Variants in USP35 observed in about 807,000 individuals in gnomAD.
USP35 encodes ubiquitin carboxyl-terminal hydrolase 35.
A neutral mutation model predicts 83.8 loss-of-function variants in USP35; 69 were observed. The observed-to-expected ratio is 0.82, with a 90% CI of 0.68 to 1.01. The LOEUF is 1.01. USP35 is among the 50% of genes least tolerant of loss of function. The probability of loss-of-function intolerance (pLI) is 0.00; values close to 1 mark genes in which losing one functional copy is unlikely to be tolerated. For missense variants in USP35, 1,503 were observed against 1,362.5 expected (o/e 1.10, Z -1.62); for synonymous variants, 714 against 589.5 (o/e 1.21, Z -3.06).
In USP35 at chr11:78,214,143, A is replaced by C. The variant is rs1396066051; in HGVS notation, c.*330A>C. 1 of 249,754 alleles carries C rather than the reference A, an allele frequency of 4.0e-6. No homozygotes were observed. The highest frequency in any genetic ancestry group is 7.6e-6 in the Non-Finnish European group (1 of 131,984). 15.5% of individuals were successfully genotyped at this position (249,754 alleles called of 1,614,324 possible). A position where few individuals can be genotyped will look rare whatever the true frequency, so the allele number is the denominator to read the frequency against. On this transcript the variant is annotated 3_prime_UTR_variant, in exon 11 of 11. Coordinates refer to ENST00000529308, the MANE Select transcript of USP35 (RefSeq NM_020798.4). ...TCTGATGATGTTCAGGAAACAGGCTAGACCTCAGCTCCAATGTTTTGACAT... is the reference window on the plus strand; with the variant it reads ...TCTGATGATGTTCAGGAAACAGGCTCGACCTCAGCTCCAATGTTTTGACAT...
In USP35 at chr11:78,208,938, G is replaced by A; in HGVS notation, c.1567G>A (p.Glu523Lys). ...FSPGTQQDCSEYLKYLLDRLH... is the reference protein window; with the variant it reads ...FSPGTQQDCSKYLKYLLDRLH... ...CCCTGGCACCCAGCAGGACTGCTCG[G>A]AGTATCTGAAGTACCTGCTGGATCG... is the stretch of plus-strand genomic sequence containing the variant. The change falls in exon 9 of 11, where the codon GAG (glutamate) becomes AAG (lysine). Residue 523 changes from glutamate to lysine, a missense_variant. Transcript: ENST00000529308. 6.2e-7 allele frequency: 1 copy of A among 1,614,208 alleles called. No homozygotes were observed. Among genetic ancestry groups the A allele is most frequent in the African/African-American group, 1.3e-5 (1 of 75,056 alleles).
At chr11:78,198,415 C>T (rs1208048211) in intron 3 of USP35, among the ~76,000 whole-genome samples, 2 of 152,194 alleles carry the variant, frequency 1.3e-5, no homozygotes, top group Non-Finnish European at 2.9e-5. Flanking sequence ...GAGTGCTTCA[C>T]GAGGTGCTTT....
the USP35 span, among the ~76,000 whole-genome samples, chr11:78,220,737 T>G: frequency 6.6e-6 from 1 of 152,188 alleles, no homozygotes; most frequent in Non-Finnish European, 1.5e-5. Flanking sequence ...CAGGTCTGTT[T>G]TCTGACTTCC....
chr11:78,232,802 C>T, the USP35 span, among the ~76,000 whole-genome samples: 45,052 of 151,994 alleles, frequency 0.3, 8,703 homozygotes, highest in African/African-American at 0.54. Flanking sequence ...CAATCAGACA[C>T]AGTTATGTCT....
rs542737632 is a variant in USP35 at position 78,196,761 on chromosome 11, C to T, written c.516C>T (p.Leu172=). 5.9e-6 allele frequency: 9 copies of T among 1,532,822 alleles called. No homozygotes were observed. Among genetic ancestry groups the T allele is most frequent in the African/African-American group, 1.4e-5 (1 of 72,906 alleles). 95.0% of individuals were successfully genotyped at this position (1,532,822 alleles called of 1,614,324 possible). ...TCTGCCAGCAGCTGGTGCGTTGCCT[C>T]GGCCGCTTCCGCTGCCCAGCCGAAG... ...LLFCQQLVRC[L]GRFRCPAEGE... Residue 172 remains leucine (L), a synonymous_variant, in exon 2 of 11, where the codon CTC becomes CTT. Transcript: ENST00000529308. The surrounding 1 kb of genome is among the most constrained non-coding windows in gnomAD (Gnocchi z 4.8).
the USP35 span, chr11:78,222,016 G>T: frequency 1.2e-6 from 1 of 867,950 alleles, no homozygotes; most frequent in Non-Finnish European, 2.0e-6. Context: ...TCAGAATCCA[G>T]CTGTCCCGGC....
At chr11:78,233,023 A>G in the USP35 span, among the ~76,000 whole-genome samples, 1 of 150,626 alleles carries the variant, frequency 6.6e-6, no homozygotes, top group African/African-American at 2.5e-5. Flanking sequence ...ATACTTACCA[A>G]TACCTGGCAC....
chr11:78,228,657 A>G, the USP35 span, among the ~76,000 whole-genome samples: 3 of 152,190 alleles, frequency 2.0e-5, no homozygotes, highest in Non-Finnish European at 2.9e-5. Flanking sequence ...TGTACCCACC[A>G]TGATGGCTAG....
In USP35 at chr11:78,209,494, A is replaced by C; in HGVS notation, c.1639A>C (p.Lys547Gln). The C allele has an allele frequency of 1.2e-6, 2 of 1,613,318 alleles. No homozygotes were observed. Among genetic ancestry groups the C allele is most frequent in the Non-Finnish European group, 1.7e-6 (2 of 1,179,544 alleles). Residue 547 changes from lysine to glutamine, a missense_variant, in exon 10 of 11, where the codon AAG becomes CAG. By Grantham distance (53) the Lys-to-Gln change is moderately conservative. Coordinates refer to ENST00000529308, the MANE Select transcript of USP35 (RefSeq NM_020798.4). The part of the protein sequence containing the change: ...KTGTRICQKL[K>Q]QSSSPSPPEE... ...GGGCACAAGGATCTGCCAGAAACTC[A>C]AGCAGTCCAGCTCGCCCTCTCCGCC...
the USP35 span, among the ~76,000 whole-genome samples, chr11:78,222,381 T>A: frequency 4.6e-5 from 7 of 152,144 alleles, no homozygotes; most frequent in Non-Finnish European, 8.8e-5. Flanking sequence ...AAGTCATGTC[T>A]TCAGATTCCA....
the USP35 span, among the ~76,000 whole-genome samples, chr11:78,233,433 T>C: frequency 6.6e-6 from 1 of 152,222 alleles, no homozygotes; most frequent in Non-Finnish European, 1.5e-5. Context: ...TCTATTCATG[T>C]GGTTACTGGA....
At position 78,196,915 on chromosome 11, in the gene USP35, G is replaced by A. The variant is rs75029334; in HGVS notation, c.670G>A (p.Ala224Thr). Residue 224 changes from alanine to threonine, a missense_variant, in exon 2 of 11, where the codon GCA (alanine) becomes ACA (threonine). Coordinates refer to ENST00000529308, the MANE Select transcript of USP35 (RefSeq NM_020798.4). The surrounding 1 kb of genome is among the most constrained non-coding windows in gnomAD (Gnocchi z 4.8). ...AGAGCTGTTCGCAGTCATCTCCTGC[G>A]CAGGTGCGTGTGCGGCCGGGGCAGG... is the stretch of plus-strand genomic sequence containing the variant. ...LKELFAVISC[A>T]EEEPPSSALA... 9,176 of 1,453,036 alleles carry A rather than the reference G, an allele frequency of 6.3e-3. 479 individuals carry two copies. In the African/African-American group the frequency reaches 0.12, roughly 18 times the overall value. The allele number at this position is 1,453,036 out of a possible 1,614,324, so 90.0% of individuals were successfully genotyped here.
At chr11:78,203,530 G>C (rs955518820) in intron 6 of USP35, among the ~76,000 whole-genome samples, 37 of 152,118 alleles carry the variant, frequency 2.4e-4, no homozygotes, top group African/African-American at 6.8e-4. Context: ...TTATCTCAAA[G>C]ACTCAAGTAT....
intron 2 of USP35, among the ~76,000 whole-genome samples, chr11:78,197,128 G>A (rs184868785): frequency 6.6e-6 from 1 of 152,076 alleles, no homozygotes; most frequent in Non-Finnish European, 1.5e-5. Context: ...TCCTGCAGTG[G>A]GTGTTGGAAA....
At position 78,189,097 on chromosome 11, in the gene USP35, C is replaced by G; in HGVS notation, c.-71C>G. On this transcript the variant is annotated 5_prime_UTR_variant, in exon 1 of 11. Transcript: ENST00000529308. The stretch of plus-strand genomic sequence containing the variant: ...GCCCTGACCTAGCCGGGCCCAGCCT[C>G]GTCCTGCCCGGCCTGAGCGCCCCGC... 1 of 443,718 alleles carries G rather than the reference C, an allele frequency of 2.3e-6. No individual in the cohort carries two copies. The highest frequency in any genetic ancestry group is 3.0e-6 in the Non-Finnish European group (1 of 334,900). The allele number at this position is 443,718 out of a possible 1,614,324, so 27.5% of individuals were successfully genotyped here.
chr11:78,207,472 A>G (rs1201525768), intron 7 of USP35, 58 bp from the exon 8 acceptor site: 3 of 1,559,528 alleles, frequency 1.9e-6, no homozygotes, highest in Non-Finnish European at 1.8e-6. Context: ...GACATGGGTG[A>G]CTAGAGACTC....
At position 78,198,011 on chromosome 11, in the gene USP35, G is replaced by A. The variant is rs1330999491; in HGVS notation, c.749G>A (p.Arg250Gln). ...LPLELMDGVVRNLSNDDSVTD... is the reference protein window; with the variant it reads ...LPLELMDGVVQNLSNDDSVTD... ...TTGGAGCTCATGGATGGTGTTGTCC[G>A]GAACCTCAGCAATGATGACAGTGTG... Residue 250 changes from arginine (R) to glutamine (Q), a missense_variant, in exon 3 of 11, where the codon CGG (arginine) becomes CAG (glutamine). By Grantham distance (43) the Arg-to-Gln change is conservative (BLOSUM62 1). Transcript: ENST00000529308. 6 of 1,614,102 alleles carry A rather than the reference G, an allele frequency of 3.7e-6. No individual in the cohort carries two copies. Among genetic ancestry groups the A allele is most frequent in the Non-Finnish European group, 4.2e-6 (5 of 1,180,034 alleles).
rs1312170462 is a variant in USP35, at chr11:78,196,600, G to C, written c.355G>C (p.Glu119Gln). ...GCTGCCCGAGGGGCCTGCGGCCGAC[G>C]AGGTGTTCGCGCTGCTGCGGCGCGA... ...QLLPEGPAAD[E>Q]VFALLRREVL... is the part of the protein sequence containing the mutation. The change falls in exon 2 of 11, where the codon GAG becomes CAG. Residue 119 changes from glutamate to glutamine, a missense_variant. Transcript: ENST00000529308. The surrounding 1 kb of genome is among the most constrained non-coding windows in gnomAD (Gnocchi z 4.8). 3.1e-6 allele frequency: 4 copies of C among 1,270,390 alleles called. No homozygotes were observed. The highest frequency in any genetic ancestry group is 3.7e-5 in the East Asian group (1 of 26,936). 78.7% of individuals were successfully genotyped at this position (1,270,390 alleles called of 1,614,324 possible).
chr11:78,206,259 C>A (rs2256464), intron 7 of USP35, among the ~76,000 whole-genome samples: 42,590 of 152,064 alleles, frequency 0.28, 7,385 homozygotes, highest in African/African-American at 0.48. Flanking sequence ...GCTGGGCAGC[C>A]CTGGGAAGTG....
Sources: gnomAD v4.1 joint callset for allele counts (sites outside exome capture counted in the v4.1 genomes callset) on GRCh38, gnomAD v4.1.1 for gene constraint, Gnocchi (gnomAD v3.1) non-coding constraint, MANE v1.5 for transcripts, NCBI Gene and HGNC (gene_info 2026-07-23, HGNC 2026-07-21) for gene names.